PRCP: variants seen among roughly 807,000 people sequenced by gnomAD.
The protein encoded by PRCP is prolylcarboxypeptidase.
In PRCP, 46 loss-of-function variants were observed where a neutral mutation model predicts 54.2. That is an observed-to-expected ratio of 0.85 (90% CI 0.67 to 1.09). The LOEUF is 1.09. Among genes scored for constraint, PRCP ranks in the 50% least tolerant of loss-of-function variants. The pLI, the probability that PRCP is intolerant of heterozygous loss-of-function variation, is 0.00. For synonymous variants in PRCP, 240 were observed against 212.2 expected, an observed-to-expected ratio of 1.13 and a Z score of -1.14; for missense variants, 613 against 596.8, an observed-to-expected ratio of 1.03 and a Z score of -0.28.
chr11:82,877,880 C>T (rs1410490726), intron 1 of PRCP, among the ~76,000 whole-genome samples: 4 of 152,186 alleles, frequency 2.6e-5, no homozygotes. Context: ...ATGGTAGACC[C>T]ACTGACAGCT....
chr11:82,839,091 G>A (rs1307721013), intron 7 of PRCP, among the ~76,000 whole-genome samples, 170 bp downstream of exon 7: 4 of 152,162 alleles, frequency 2.6e-5, no homozygotes, highest in Non-Finnish European at 5.9e-5. Flanking sequence ...ATTATTAAAT[G>A]AACAAATGAA....
intron 1 of PRCP, among the ~76,000 whole-genome samples, chr11:82,888,285 G>C (rs1859915842): frequency 6.6e-6 from 1 of 152,122 alleles, no homozygotes; most frequent in South Asian, 2.1e-4. Context: ...TGCACCATAT[G>C]AGCAGCAGGA....
chr11:82,868,013 ATATAT>A (rs1027998127), intron 1 of PRCP, among the ~76,000 whole-genome samples: 67 of 152,316 alleles, frequency 4.4e-4, no homozygotes, highest in African/African-American at 1.5e-3. Context: ...TTCTAAATAA[ATATAT>A]TATATGTTCA....
At chr11:82,833,406 C>A (rs1382155723) in intron 8 of PRCP, among the ~76,000 whole-genome samples, 1 of 152,092 alleles carries the variant, frequency 6.6e-6, no homozygotes, top group African/African-American at 2.4e-5. Context: ...CCATTTCATG[C>A]CAGTTAGAAT....
At chr11:82,861,599 C>T (rs948659312) in intron 1 of PRCP, among the ~76,000 whole-genome samples, 3 of 151,938 alleles carry the variant, frequency 2.0e-5, no homozygotes, top group Non-Finnish European at 4.4e-5. Context: ...GTATTCCTGC[C>T]GAAAATGTTT....
Position 82,879,927 on chromosome 11 carries a change from G to A in PRCP, c.169-19810C>T, listed in dbSNP as rs1413680854. Among the ~76,000 whole-genome samples the A allele has an allele frequency of 2.0e-5, 3 of 152,202 alleles. No individual in the cohort carries two copies. The East Asian group carries it at 5.8e-4, about 29-fold the overall frequency. ...GTCTCAGAGGGGCACCCAGTTGTAT[G>A]AGATGTCAGTCGACCCTTACTGGGA... On this transcript the variant is annotated intron_variant, in intron 1 of 8. Coordinates refer to ENST00000313010, the MANE Select transcript of PRCP (RefSeq NM_005040.4).
At chr11:82,828,061 C>T (rs1056971099) in intron 8 of PRCP, 6 of 152,098 alleles carry the variant, frequency 3.9e-5, no homozygotes, top group African/African-American at 7.2e-5. Flanking sequence ...AGATTGCATT[C>T]GTGTTTACAA....
intron 2 of PRCP, among the ~76,000 whole-genome samples, chr11:82,857,360 C>A (rs1193036199): frequency 6.6e-6 from 1 of 152,170 alleles, no homozygotes; most frequent in Non-Finnish European, 1.5e-5. Context: ...TAGACAAGAA[C>A]ATTGAGGCAC....
rs1308191229 is a variant in PRCP at position 82,824,453 on chromosome 11, G to C, written c.*453C>G. On this transcript the variant is annotated 3_prime_UTR_variant, in exon 9 of 9. Coordinates refer to ENST00000313010, the MANE Select transcript of PRCP (RefSeq NM_005040.4). ...GAAATGGCTCTCACTTCCTGGATTG[G>C]CACCAGACATCCTACCAGCTGCAAT... 1 of 179,442 alleles carries C rather than the reference G, an allele frequency of 5.6e-6. No homozygotes were observed. Among genetic ancestry groups the C allele is most frequent in the Admixed American group, 5.5e-5 (1 of 18,210 alleles). 11.1% of individuals were successfully genotyped at this position (179,442 alleles called of 1,614,324 possible). A position where few individuals can be genotyped will look rare whatever the true frequency, so the allele number is the denominator to read the frequency against.
In PRCP at chr11:82,859,995, G is replaced by A. The variant is rs760180376; in HGVS notation, c.291C>T (p.Ile97=). 3.8e-6 allele frequency: 6 copies of A among 1,585,034 alleles called. No homozygotes were observed. In the African/African-American group the frequency reaches 4.1e-5, roughly 11 times the overall value. Residue 97 remains isoleucine, a synonymous_variant, in exon 2 of 9, where the codon ATC becomes ATT. Transcript: ENST00000313010. The part of the protein sequence containing the change: ...LFYTGNEGDI[I]WFCNNTGFMW... Reference sequence around the variant, plus strand: ...CACATACCGTGTTATTACAAAACCAGATAATGTCCCCTTCATTACCAGTGT... The same window carrying A: ...CACATACCGTGTTATTACAAAACCAAATAATGTCCCCTTCATTACCAGTGT...
intron 8 of PRCP, among the ~76,000 whole-genome samples, chr11:82,837,581 A>G (rs1214936499): frequency 6.6e-6 from 1 of 152,248 alleles, no homozygotes; most frequent in African/African-American, 2.4e-5. Context: ...AATTTTAAAA[A>G]TAGCTCTGGT....
At chr11:82,901,235 G>T (rs1388173347), upstream of PRCP, among the ~76,000 whole-genome samples, 2 of 152,104 alleles carry the variant, frequency 1.3e-5, no homozygotes, top group South Asian at 2.1e-4. Context: ...GGTCCACATC[G>T]CCCCTAAATC....
In PRCP at chr11:82,850,343, A is replaced by G. The variant is rs956975855; in HGVS notation, c.574T>C (p.Tyr192His). ...GMLAAWFRMK[Y>H]PHMVVGALAA... ...ACTTACCCAACTACCATATGAGGAT[A>G]TTTCATCCTAAACCAGGCGGCAAGC... Residue 192 changes from tyrosine (Y) to histidine (H), a missense_variant, in exon 4 of 9, where the codon TAT becomes CAT. Physicochemically the swap from Tyr to His is moderately conservative, Grantham distance 83. Transcript: ENST00000313010. The G allele has an allele frequency of 6.3e-7, 1 of 1,577,260 alleles. No homozygotes were observed. The highest frequency in any genetic ancestry group is 8.6e-7 in the Non-Finnish European group (1 of 1,160,288).
chr11:82,836,868 G>A, intron 8 of PRCP: 1 of 395,798 alleles, frequency 2.5e-6, no homozygotes, highest in Non-Finnish European at 5.1e-6. Context: ...TTTGTTGGCT[G>A]AATTGGGTAC....
At chr11:82,897,192 A>G (rs1322192456) in intron 1 of PRCP, among the ~76,000 whole-genome samples, 7 of 152,214 alleles carry the variant, frequency 4.6e-5, no homozygotes, top group Non-Finnish European at 8.8e-5. Flanking sequence ...CAGTTATTTC[A>G]GGTAAAAGAA....
chr11:82,893,524 G>A (rs892591283), intron 1 of PRCP, among the ~76,000 whole-genome samples: 2 of 152,092 alleles, frequency 1.3e-5, no homozygotes, highest in African/African-American at 4.8e-5. Context: ...GAGTTTGATG[G>A]CTCCTGCCTG....
rs4759 is a variant in PRCP, at chr11:82,824,921, C to T, written c.1476G>A (p.Ala492=). The T allele has an allele frequency of 0.1, 165,857 of 1,613,428 alleles. 15,251 individuals carry two copies. The highest frequency in any genetic ancestry group is 0.57 in the East Asian group (25,378 of 44,834). Reference sequence around the variant, plus strand: ...CAAAAGTTTCTCAGTGCTGCTTTCCCGCACTGTCATAGAAATCTCTGATCC... The same window carrying T: ...CAAAAGTTTCTCAGTGCTGCTTTCCTGCACTGTCATAGAAATCTCTGATCC... ...KNWIRDFYDS[A]GKQH is the part of the protein sequence containing the mutation. Residue 492 remains alanine, a synonymous_variant, in exon 9 of 9, where the codon GCG becomes GCA. Coordinates refer to ENST00000313010, the MANE Select transcript of PRCP (RefSeq NM_005040.4).
At chr11:82,830,572 G>C (rs188391895) in intron 8 of PRCP, 1 of 134,246 alleles carries the variant, frequency 7.4e-6, no homozygotes, top group Non-Finnish European at 1.5e-5. Context: ...AGGTTGCAGT[G>C]AGCCCAGATC....
At chr11:82,869,563 A>G (rs1233871210) in intron 1 of PRCP, among the ~76,000 whole-genome samples, 1 of 152,212 alleles carries the variant, frequency 6.6e-6, no homozygotes, top group Non-Finnish European at 1.5e-5. Flanking sequence ...AATGAAAAAC[A>G]TCCACTGGAA....
Sources: allele counts gnomAD v4.1 joint callset (sites outside exome capture counted in the v4.1 genomes callset), GRCh38; gene constraint gnomAD v4.1.1; transcripts MANE v1.5; gene names NCBI Gene and HGNC (gene_info 2026-07-23, HGNC 2026-07-21).